Variants in DYSF observed in about 807,000 individuals in gnomAD.
DYSF encodes the protein dystrophy-associated fer-1-like 1.
A neutral mutation model predicts 274.9 loss-of-function variants in DYSF; 212 were observed. That is an observed-to-expected ratio of 0.77 (90% CI 0.69 to 0.86). The LOEUF (loss-of-function observed/expected upper bound fraction) is 0.86, where lower values mean the gene tolerates loss of function less well. Ranked by LOEUF, DYSF falls within the 40% of genes least tolerant of loss-of-function variation. The pLI is 0.00. For synonymous variants in DYSF, 1,091 were observed against 1,078.7 expected (o/e 1.01, Z -0.22); for missense variants, 2,666 against 2,783.2 (o/e 0.96, Z 0.95).
Position 71,553,882 on chromosome 2 carries a change from G to C in DYSF, c.2060G>C (p.Ser687Thr), listed in dbSNP as rs1227090380. 6.2e-7 allele frequency: 1 copy of C among 1,614,134 alleles called. No individual in the cohort carries two copies. Among genetic ancestry groups the C allele is most frequent in the Non-Finnish European group, 8.5e-7 (1 of 1,180,028 alleles). ...VVLSSYWEDI[S>T]HRIETQNQLL... ...CTGTCATCCTACTGGGAGGACATCA[G>C]CCATAGAATCGAGACTCAGAACCAG... The change falls in exon 21 of 56, where the codon AGC becomes ACC. Residue 687 changes from serine to threonine, a missense_variant. Transcript: ENST00000410020.
chr2:71,561,667 C>T lies in DYSF; in HGVS notation c.2217-85C>T, dbSNP rs1573999886. On this transcript the variant is annotated intron_variant, in intron 22 of 55. Coordinates refer to ENST00000410020, the MANE Select transcript of DYSF (RefSeq NM_001130987.2). Reference sequence around the variant, plus strand: ...AGGCAGGCGGAGGGGGTGGGGCCTGCTGTGAGAACCTGGCACATGTGCATG... The same window carrying T: ...AGGCAGGCGGAGGGGGTGGGGCCTGTTGTGAGAACCTGGCACATGTGCATG... 4 of 1,538,774 alleles carry T rather than the reference C, an allele frequency of 2.6e-6. No individual in the cohort carries two copies. In the South Asian group the frequency reaches 4.5e-5, roughly 17 times the overall value.
Position 71,592,507 on chromosome 2 carries a change from C to A in DYSF, c.3574+2219C>A, listed in dbSNP as rs540662409. On this transcript the variant is annotated intron_variant, in intron 32 of 55. Transcript: ENST00000410020. ...TTATTTTCACTCCCAAACCCTAAAC[C>A]AAAGCAATTTCTCCCCTGGAACTGA... Among the ~76,000 whole-genome samples, 750 of 152,354 alleles carry A rather than the reference C, an allele frequency of 4.9e-3. 3 individuals carry two copies. The highest frequency in any genetic ancestry group is 6.2e-3 in the Non-Finnish European group (425 of 68,032).
intron 10 of DYSF, among the ~76,000 whole-genome samples, chr2:71,519,820 T>G (rs1429265383): frequency 1.4e-5 from 2 of 146,928 alleles, no homozygotes; most frequent in African/African-American, 5.0e-5. Context: ...AGTTTTTTTT[T>G]TTTTTTTTTT....
intron 30 of DYSF, among the ~76,000 whole-genome samples, chr2:71,580,298 C>T (rs1249865220): frequency 2.6e-5 from 4 of 152,246 alleles, no homozygotes; most frequent in Non-Finnish European, 4.4e-5. Flanking sequence ...GCCAGCATCC[C>T]GACTGCAGTA....
intron 42 of DYSF, among the ~76,000 whole-genome samples, chr2:71,655,475 A>G (rs997428518): frequency 7.9e-5 from 12 of 152,224 alleles, no homozygotes; most frequent in African/African-American, 2.7e-4. Flanking sequence ...TATTAGGTAC[A>G]TTTTATCAGC....
At chr2:71,499,471 T>G (rs1356916412) in intron 3 of DYSF, among the ~76,000 whole-genome samples, 1 of 152,252 alleles carries the variant, frequency 6.6e-6, no homozygotes, top group Admixed American at 6.5e-5. Flanking sequence ...TGTTTTGATT[T>G]CTTTGTGCTT....
intron 3 of DYSF, 87 bp from the exon 4 acceptor site, chr2:71,503,127 C>T (rs779398856): frequency 3.3e-6 from 4 of 1,211,724 alleles, no homozygotes; most frequent in Admixed American, 3.4e-5. Context: ...AGACCAGCCT[C>T]ATCTGAGTGG....
chr2:71,596,160 G>A (rs1407087228), intron 32 of DYSF, among the ~76,000 whole-genome samples: 1 of 151,964 alleles, frequency 6.6e-6, no homozygotes, highest in Non-Finnish European at 1.5e-5. Context: ...GGGCACGTGT[G>A]TAGGTCTGGG....
Position 71,660,548 on chromosome 2 carries a change from C to G in DYSF, c.4912-12C>G. Reference sequence around the variant, plus strand: ...AAGTGTTTTCACAGAAGTGTTTTGTCTCCTCCTCCAGTGTGATCCTTACAT... The same window carrying G: ...AAGTGTTTTCACAGAAGTGTTTTGTGTCCTCCTCCAGTGTGATCCTTACAT... On this transcript the variant is annotated splice_polypyrimidine_tract_variant and intron_variant, in intron 44 of 55. Coordinates refer to ENST00000410020, the MANE Select transcript of DYSF (RefSeq NM_001130987.2). 6.2e-7 allele frequency: 1 copy of G among 1,611,028 alleles called. No homozygotes were observed. The highest frequency in any genetic ancestry group is 8.5e-7 in the Non-Finnish European group (1 of 1,177,184).
intron 1 of DYSF, among the ~76,000 whole-genome samples, chr2:71,458,651 C>T (rs1262214851): frequency 6.6e-6 from 1 of 152,224 alleles, no homozygotes; most frequent in African/African-American, 2.4e-5. Context: ...AGGCCAAACT[C>T]ACTTTCTTTC....
intron 14 of DYSF, among the ~76,000 whole-genome samples, chr2:71,528,787 ATGT>A (rs1467329758): frequency 4.6e-5 from 7 of 152,226 alleles, no homozygotes. Context: ...TATTTAAAAA[ATGT>A]TGTGGGGGTA....
chr2:71,551,561 C>T (rs376316264), intron 18 of DYSF, 46 bp from the exon 19 acceptor site: 44 of 1,525,558 alleles, frequency 2.9e-5, no homozygotes, highest in Admixed American at 1.3e-4. Context: ...CCTTCCCCTC[C>T]TCCCCTCTGT....
intron 54 of DYSF, among the ~76,000 whole-genome samples, chr2:71,681,979 A>G (rs1207863156): frequency 1.3e-5 from 2 of 152,232 alleles, no homozygotes; most frequent in Non-Finnish European, 2.9e-5. Context: ...TAACGGGGCC[A>G]TGATGGAGAC....
intron 40 of DYSF, among the ~76,000 whole-genome samples, chr2:71,618,245 A>G: frequency 1.1e-5 from 1 of 93,988 alleles, no homozygotes; most frequent in African/African-American, 4.4e-5. Context: ...TGTGTGTGGT[A>G]GAGGTGGCGT....
chr2:71,650,932 T>G (rs1350137139), intron 42 of DYSF, among the ~76,000 whole-genome samples: 1 of 152,124 alleles, frequency 6.6e-6, no homozygotes, highest in Non-Finnish European at 1.5e-5. Context: ...AAAAGAAAAC[T>G]AATTAAGTAT....
upstream of DYSF, among the ~76,000 whole-genome samples, chr2:71,465,254 C>T (rs966398566): frequency 6.6e-6 from 1 of 152,024 alleles, no homozygotes; most frequent in Non-Finnish European, 1.5e-5. Flanking sequence ...GCCCAAGTGT[C>T]CAGTTGTTAC....
intron 51 of DYSF, among the ~76,000 whole-genome samples, chr2:71,672,442 C>T (rs1487722714): frequency 6.6e-6 from 1 of 152,214 alleles, no homozygotes; most frequent in Non-Finnish European, 1.5e-5. Flanking sequence ...ACCCCATTAA[C>T]CAGACGAGAC....
intron 14 of DYSF, among the ~76,000 whole-genome samples, chr2:71,530,990 G>A (rs1341944430): frequency 6.6e-6 from 1 of 152,074 alleles, no homozygotes; most frequent in Non-Finnish European, 1.5e-5. Flanking sequence ...AGGAGTGTGG[G>A]AGAGTGTGTG....
At chr2:71,581,199 G>A (rs2092883718) in intron 30 of DYSF, among the ~76,000 whole-genome samples, 1 of 152,198 alleles carries the variant, frequency 6.6e-6, no homozygotes, top group Non-Finnish European at 1.5e-5. Flanking sequence ...ACCCTAGAGG[G>A]ACAAGCACAC....
Sources: gnomAD v4.1 joint callset for allele counts (sites outside exome capture counted in the v4.1 genomes callset) on GRCh38, gnomAD v4.1.1 for gene constraint, MANE v1.5 for transcripts, NCBI Gene and HGNC (gene_info 2026-07-23, HGNC 2026-07-21) for gene names.